Variants in PTPRD observed in about 807,000 individuals in gnomAD.
PTPRD encodes receptor-type tyrosine-protein phosphatase delta.
Under a neutral mutation model 214.5 loss-of-function variants are expected in PTPRD, and 34 were observed. The ratio of observed to expected loss-of-function variants is 0.16; its 90% CI spans 0.12 to 0.21. The LOEUF is 0.21. Ranked by LOEUF, PTPRD falls within the 10% of genes least tolerant of loss-of-function variation. The pLI is 1.00. For synonymous variants in PTPRD, 1,128 were observed against 845.7 expected, an observed-to-expected ratio of 1.33 and a Z score of -5.79; for missense variants, 2,545 against 2,398.7, an observed-to-expected ratio of 1.06 and a Z score of -1.27.
At chr9:8,455,566 G>T (rs564338088) in intron 33 of PTPRD, among the ~76,000 whole-genome samples, 4 of 152,112 alleles carry the variant, frequency 2.6e-5, no homozygotes, top group African/African-American at 9.6e-5. Flanking sequence ...CCAAGTGGCT[G>T]GAATATCTGG....
intron 30 of PTPRD, among the ~76,000 whole-genome samples, chr9:8,474,779 G>A (rs1161075800): frequency 1.3e-5 from 2 of 152,078 alleles, no homozygotes; most frequent in African/African-American, 4.8e-5. Flanking sequence ...CTCATCATCT[G>A]TCTACCAAAG....
chr9:9,148,988 T>A (rs1374823817), intron 10 of PTPRD, among the ~76,000 whole-genome samples: 2 of 152,146 alleles, frequency 1.3e-5, no homozygotes, highest in Non-Finnish European at 2.9e-5. Flanking sequence ...AATCTGACAA[T>A]GGATTTGGTT....
intron 4 of PTPRD, among the ~76,000 whole-genome samples, chr9:9,965,299 G>T (rs1049675219): frequency 1.3e-5 from 2 of 152,144 alleles, no homozygotes; most frequent in Non-Finnish European, 2.9e-5. Flanking sequence ...AGGAGCAACA[G>T]GCAAGGCTTC....
chr9:8,824,044 T>A (rs2097128781), intron 11 of PTPRD, among the ~76,000 whole-genome samples: 1 of 152,220 alleles, frequency 6.6e-6, no homozygotes. Flanking sequence ...AGTGTAGCAG[T>A]GAAGACAACC....
chr9:9,157,968 G>C (rs1279289710), intron 10 of PTPRD, among the ~76,000 whole-genome samples: 1 of 152,124 alleles, frequency 6.6e-6, no homozygotes, highest in East Asian at 1.9e-4. Flanking sequence ...AGAACATGTA[G>C]TGTTCGGTTT....
At chr9:9,299,849 G>C (rs1282212361) in intron 9 of PTPRD, among the ~76,000 whole-genome samples, 1 of 151,178 alleles carries the variant, frequency 6.6e-6, no homozygotes, top group African/African-American at 2.4e-5. Flanking sequence ...TTATGTTCTT[G>C]AGCAACAAAA....
chr9:9,244,916 C>T lies in PTPRD; in HGVS notation c.-202-61553G>A, dbSNP rs138722958. 6.9e-3 allele frequency among the ~76,000 whole-genome samples: 1,048 copies of T among 152,220 alleles called. 10 individuals carry two copies. Among genetic ancestry groups the T allele is most frequent in the African/African-American group, 0.023 (968 of 41,532 alleles). On this transcript the variant is annotated intron_variant, in intron 9 of 45. Transcript: ENST00000381196. Reference sequence around the variant, plus strand: ...ACAAAGGGCTAATATCCAGAATCTACAAAGAACTCAAACAAATGTACAAGA... The same window carrying T: ...ACAAAGGGCTAATATCCAGAATCTATAAAGAACTCAAACAAATGTACAAGA...
chr9:9,816,661 C>T (rs369943095), intron 5 of PTPRD, among the ~76,000 whole-genome samples: 25 of 151,992 alleles, frequency 1.6e-4, no homozygotes, highest in African/African-American at 5.6e-4. Context: ...AGACCTTTTG[C>T]GTATTCTGAA....
intron 5 of PTPRD, among the ~76,000 whole-genome samples, chr9:9,930,277 T>C (rs531659314): frequency 1.6e-4 from 25 of 152,126 alleles, no homozygotes; most frequent in African/African-American, 5.5e-4. Flanking sequence ...ATTGGGAATA[T>C]CGAAGCCATG....
intron 2 of PTPRD, among the ~76,000 whole-genome samples, chr9:10,428,277 C>A (rs2098643480): frequency 1.3e-5 from 2 of 151,988 alleles, no homozygotes; most frequent in Admixed American, 1.3e-4. Context: ...TGAGATCATG[C>A]CACTGCACGA....
At chr9:9,620,263 T>C (rs986809674) in intron 7 of PTPRD, among the ~76,000 whole-genome samples, 8 of 152,136 alleles carry the variant, frequency 5.3e-5, no homozygotes, top group Non-Finnish European at 1.2e-4. Context: ...CATAAAAGGA[T>C]ACCGATACCT....
At chr9:9,841,145 C>T (rs542487916) in intron 5 of PTPRD, among the ~76,000 whole-genome samples, 21 of 152,156 alleles carry the variant, frequency 1.4e-4, no homozygotes, top group African/African-American at 4.3e-4. Flanking sequence ...AAAATATTTA[C>T]CAGTAAAAAT....
chr9:9,836,817 G>C (rs1035205427), intron 5 of PTPRD, among the ~76,000 whole-genome samples: 2 of 152,112 alleles, frequency 1.3e-5, no homozygotes, highest in African/African-American at 2.4e-5. Flanking sequence ...AAAACACTTA[G>C]AGCAGTGACA....
chr9:8,513,317 T>C (rs1005133405), intron 21 of PTPRD, among the ~76,000 whole-genome samples: 5 of 152,018 alleles, frequency 3.3e-5, no homozygotes, highest in African/African-American at 4.8e-5. Flanking sequence ...TTACCAGAAA[T>C]ACACAAATTT....
chr9:9,871,930 A>G (rs936452171), intron 5 of PTPRD, among the ~76,000 whole-genome samples: 6 of 151,992 alleles, frequency 3.9e-5, no homozygotes, highest in Admixed American at 3.3e-4. Flanking sequence ...TTTATTGCCT[A>G]TTTTACAATT....
chr9:10,072,691 T>G (rs2098049705), intron 3 of PTPRD, among the ~76,000 whole-genome samples: 1 of 152,128 alleles, frequency 6.6e-6, no homozygotes, highest in Admixed American at 6.6e-5. Context: ...GAGCACTGAT[T>G]GGTGCATTTT....
rs142695746 is a variant in PTPRD at position 9,278,102 on chromosome 9, G to C, written c.-202-94739C>G. Among the ~76,000 whole-genome samples the C allele has an allele frequency of 6.3e-3, 957 of 151,352 alleles. 6 individuals are homozygous for C. The highest frequency in any genetic ancestry group is 9.9e-3 in the Admixed American group (149 of 15,120). On this transcript the variant is annotated intron_variant, in intron 9 of 45. Transcript: ENST00000381196. ...GGTGGTTGTATGCTTTCCACGATTT[G>C]ACATAGAATTAGACATTTTATTCAA... is the stretch of plus-strand genomic sequence containing the variant.
At chr9:8,358,644 A>G in intron 39 of PTPRD, among the ~76,000 whole-genome samples, 1 of 152,112 alleles carries the variant, frequency 6.6e-6, no homozygotes, top group South Asian at 2.1e-4. Flanking sequence ...TAATTTCAGT[A>G]CTCTTTTTTC....
intron 8 of PTPRD, among the ~76,000 whole-genome samples, chr9:9,435,685 T>G (rs2084963622): frequency 6.6e-6 from 1 of 152,146 alleles, no homozygotes; most frequent in Admixed American, 6.6e-5. Flanking sequence ...TATGAATTAT[T>G]GGAGATAAAA....
Sources: allele counts gnomAD v4.1 joint callset (sites outside exome capture counted in the v4.1 genomes callset), GRCh38; gene constraint gnomAD v4.1.1; transcripts MANE v1.5; gene names NCBI Gene and HGNC (gene_info 2026-07-23, HGNC 2026-07-21).